The following PHF14 variants were observed in gnomAD, a reference collection of about 807,000 sequenced individuals.
The protein encoded by PHF14 is PHD finger protein 14.
Under a neutral mutation model 117.9 loss-of-function variants are expected in PHF14, and 55 were observed. The ratio of observed to expected loss-of-function variants is 0.47; its 90% CI spans 0.38 to 0.58. The LOEUF (loss-of-function observed/expected upper bound fraction) is 0.58. Ranked by LOEUF, PHF14 falls within the 20% of genes least tolerant of loss-of-function variation. The pLI is 0.00. For synonymous variants in PHF14, 409 were observed against 368.6 expected, an observed-to-expected ratio of 1.11 and a Z score of -1.26; for missense variants, 978 against 1,122.2, an observed-to-expected ratio of 0.87 and a Z score of 1.84.
intron 17 of PHF14, among the ~76,000 whole-genome samples, chr7:11,112,635 G>C (rs1370182184): frequency 6.6e-6 from 1 of 152,032 alleles, no homozygotes; most frequent in Non-Finnish European, 1.5e-5. Context: ...GCCAGACATG[G>C]TGGCGAGTGC....
rs1275143387 is a variant in PHF14 at position 11,035,666 on chromosome 7, T to C, written c.1482T>C (p.Tyr494=). 1.9e-6 allele frequency: 3 copies of C among 1,609,890 alleles called. No homozygotes were observed. Among genetic ancestry groups the C allele is most frequent in the East Asian group, 2.2e-5 (1 of 44,796 alleles). The part of the protein sequence containing the change: ...EEDIADPFFA[Y]CKQHADRLDR... Reference sequence around the variant, plus strand: ...ATATAGCAGATCCATTCTTTGCTTATTGTAAGCAACATGCAGATAGGTTAG... The same window carrying C: ...ATATAGCAGATCCATTCTTTGCTTACTGTAAGCAACATGCAGATAGGTTAG... The change falls in exon 8 of 18, where the codon TAT becomes TAC. Residue 494 remains tyrosine, a synonymous_variant. Coordinates refer to ENST00000634607, the MANE Select transcript of PHF14 (RefSeq NM_001007157.2).
chr7:11,087,226 C>G (rs113549812), intron 16 of PHF14, among the ~76,000 whole-genome samples: 1,837 of 150,692 alleles, frequency 0.012, 25 homozygotes, highest in African/African-American at 0.043. Flanking sequence ...GAGTCTCGCT[C>G]TGTCATCCAG....
At chr7:11,038,930 C>G (rs764354909) in intron 11 of PHF14, 75 bp downstream of exon 11, 3 of 616,590 alleles carry the variant, frequency 4.9e-6, no homozygotes, top group South Asian at 5.3e-5. Flanking sequence ...ATTTTTGATA[C>G]AACTGTCATT....
chr7:11,051,086 G>A (rs929552563), intron 13 of PHF14, among the ~76,000 whole-genome samples: 7 of 152,074 alleles, frequency 4.6e-5, no homozygotes, highest in African/African-American at 1.4e-4. Flanking sequence ...TGTTACCCAG[G>A]CTGGAGTGCA....
At chr7:10,996,855 ACT>A (rs1167135346) in intron 4 of PHF14, among the ~76,000 whole-genome samples, 1 of 152,166 alleles carries the variant, frequency 6.6e-6, no homozygotes, top group Non-Finnish European at 1.5e-5. Context: ...AGATAGGCAC[ACT>A]CTCAGGAACA....
At chr7:11,037,116 CAT>C in intron 10 of PHF14, 25 bp downstream of exon 10, 1 of 1,461,744 alleles carries the variant, frequency 6.8e-7, no homozygotes, top group Non-Finnish European at 9.2e-7. Flanking sequence ...AAATATGCAA[CAT>C]AATGTGATAG....
At chr7:11,146,151 A>G in intron 17 of PHF14, among the ~76,000 whole-genome samples, 1 of 152,272 alleles carries the variant, frequency 6.6e-6, no homozygotes, top group South Asian at 2.1e-4. Flanking sequence ...CATTACAAAT[A>G]TATTCACATT....
chr7:11,124,959 TAAGTTGATTA>T (rs1309967615), intron 17 of PHF14, among the ~76,000 whole-genome samples: 2 of 152,080 alleles, frequency 1.3e-5, no homozygotes, highest in African/African-American at 4.8e-5. Context: ...TTAAAACAAA[TAAGTTGATTA>T]AAGATGGTGC....
chr7:11,123,825 G>A (rs1787843262), intron 17 of PHF14, among the ~76,000 whole-genome samples: 2 of 147,970 alleles, frequency 1.4e-5, no homozygotes, highest in South Asian at 2.1e-4. Flanking sequence ...CTCCAGCCTG[G>A]GTGAATCGCT....
chr7:11,077,209 A>G (rs1785893818), intron 16 of PHF14, among the ~76,000 whole-genome samples: 1 of 152,062 alleles, frequency 6.6e-6, no homozygotes, highest in Non-Finnish European at 1.5e-5. Context: ...TTATTGCTCT[A>G]ATTATAAATT....
intron 7 of PHF14, among the ~76,000 whole-genome samples, chr7:11,031,610 T>C (rs1784123069): frequency 7.0e-6 from 1 of 142,488 alleles, no homozygotes; most frequent in Non-Finnish European, 1.6e-5. Flanking sequence ...AAAAAAAAAT[T>C]AGCTGGGTGT....
At chr7:11,151,068 T>G (rs901818460) in intron 17 of PHF14, among the ~76,000 whole-genome samples, 8 of 152,070 alleles carry the variant, frequency 5.3e-5, no homozygotes, top group Admixed American at 1.3e-4. Flanking sequence ...AATAGAATCT[T>G]AGACAAAAAA....
intron 16 of PHF14, chr7:11,107,469 A>C: frequency 2.4e-6 from 2 of 823,150 alleles, no homozygotes; most frequent in East Asian, 2.5e-4. Context: ...TTTAGTAAGA[A>C]TCTAATTAGG....
chr7:11,072,239 A>G (rs1352452520), intron 16 of PHF14, among the ~76,000 whole-genome samples: 1 of 152,146 alleles, frequency 6.6e-6, no homozygotes, highest in African/African-American at 2.4e-5. Context: ...GGGCAAAGAG[A>G]GAGATGTGAG....
chr7:11,026,125 AAAGAG>A (rs1471932865), intron 6 of PHF14, among the ~76,000 whole-genome samples: 60 of 151,530 alleles, frequency 4.0e-4, no homozygotes, highest in African/African-American at 1.3e-3. Context: ...AAAAAAAAAA[AAAGAG>A]AGAGAAATTG....
At chr7:11,045,991 T>A (rs1283505637) in intron 13 of PHF14, among the ~76,000 whole-genome samples, 1 of 152,308 alleles carries the variant, frequency 6.6e-6, no homozygotes, top group African/African-American at 2.4e-5. Context: ...GGGGAAAACC[T>A]AGGGGCTTCT....
At chr7:10,999,608 CAT>C (rs1404611133) in intron 4 of PHF14, among the ~76,000 whole-genome samples, 4 of 152,254 alleles carry the variant, frequency 2.6e-5, no homozygotes, top group Admixed American at 2.0e-4. Flanking sequence ...TTCAGATAAA[CAT>C]AGATTTCTGT....
chr7:11,161,405 A>C (rs1440602536), intron 17 of PHF14, among the ~76,000 whole-genome samples: 2 of 152,106 alleles, frequency 1.3e-5, no homozygotes, highest in African/African-American at 4.8e-5. Flanking sequence ...TATTGCTTAT[A>C]TTAATGAATA....
intron 16 of PHF14, among the ~76,000 whole-genome samples, chr7:11,086,319 C>T (rs1786408178): frequency 6.6e-6 from 1 of 152,182 alleles, no homozygotes. Flanking sequence ...GTTTTCATTT[C>T]CAGCTGTTCA....
Sources: gnomAD v4.1 joint callset for allele counts (sites outside exome capture counted in the v4.1 genomes callset) on GRCh38, gnomAD v4.1.1 for gene constraint, MANE v1.5 for transcripts, NCBI Gene and HGNC (gene_info 2026-07-23, HGNC 2026-07-21) for gene names.